The following INSC variants were observed in gnomAD, a reference collection of about 807,000 sequenced individuals.
INSC encodes the protein INSC spindle orientation adaptor protein, also known as protein inscuteable homolog.
Under a neutral mutation model 58.6 loss-of-function variants are expected in INSC, and 67 were observed. The observed-to-expected ratio is 1.14, with a 90% confidence interval of 0.94 to 1.40. INSC has a LOEUF of 1.40. INSC is among the 40% of genes most tolerant of loss of function. The pLI, the probability that INSC is intolerant of heterozygous loss-of-function variation, is 0.00. For synonymous variants in INSC, 262 were observed against 276.1 expected, an observed-to-expected ratio of 0.95 and a Z score of 0.51; for missense variants, 714 against 692.0, an observed-to-expected ratio of 1.03 and a Z score of -0.36.
chr11:15,226,960 A>G (rs1851664109), intron 9 of INSC, among the ~76,000 whole-genome samples: 1 of 152,196 alleles, frequency 6.6e-6, no homozygotes, highest in East Asian at 1.9e-4. Context: ...TATCCTCAGA[A>G]TCGCCTGTGA....
the INSC span, among the ~76,000 whole-genome samples, chr11:15,254,483 G>A: frequency 6.6e-6 from 1 of 152,204 alleles, no homozygotes; most frequent in African/African-American, 2.4e-5. Flanking sequence ...ACTGTAGACT[G>A]TTGTGGACTT....
At chr11:15,203,116 G>A (rs1226127320) in intron 7 of INSC, among the ~76,000 whole-genome samples, 1 of 152,230 alleles carries the variant, frequency 6.6e-6, no homozygotes, top group African/African-American at 2.4e-5. Flanking sequence ...GACAGTTTAA[G>A]TGACTTGCCT....
chr11:15,230,023 T>G (rs1564918014), intron 9 of INSC, among the ~76,000 whole-genome samples: 1 of 55,262 alleles, frequency 1.8e-5, no homozygotes, highest in East Asian at 5.1e-4. Context: ...AATATATATA[T>G]ATATATATAT....
At chr11:15,210,400 G>GTTCTGTGGGCCACAGACATGCCTA (rs1554921668) in intron 7 of INSC, among the ~76,000 whole-genome samples, 255 of 152,136 alleles carry the variant, frequency 1.7e-3, no homozygotes, top group African/African-American at 5.5e-3. Flanking sequence ...AGACATGCCT[G>GTTCTGTGGGCCACAGACATGCCTA]TTCTGTGGGT....
chr11:15,209,628 C>G (rs1850943090), intron 7 of INSC, among the ~76,000 whole-genome samples: 1 of 152,148 alleles, frequency 6.6e-6, no homozygotes, highest in South Asian at 2.1e-4. Context: ...TCACCCACTT[C>G]TTTAGTCCAT....
intron 5 of INSC, among the ~76,000 whole-genome samples, chr11:15,181,729 A>C (rs1225328790): frequency 6.6e-6 from 1 of 152,178 alleles, no homozygotes; most frequent in Non-Finnish European, 1.5e-5. Flanking sequence ...ATAGGAGCAT[A>C]TCAAAATTTT....
intron 7 of INSC, among the ~76,000 whole-genome samples, chr11:15,220,144 A>ATAAT (rs1386486176): frequency 6.6e-6 from 1 of 152,208 alleles, no homozygotes; most frequent in Non-Finnish European, 1.5e-5. Flanking sequence ...CTCAGTGGTG[A>ATAAT]TAATTAGGCA....
chr11:15,192,561 C>T (rs1850218884), intron 6 of INSC, among the ~76,000 whole-genome samples: 1 of 152,138 alleles, frequency 6.6e-6, no homozygotes, highest in South Asian at 2.1e-4. Context: ...TAGTGCAATG[C>T]CTGCACAAAG....
chr11:15,235,553 T>C, intron 9 of INSC, 49 bp from the exon 10 acceptor site: 1 of 1,441,066 alleles, frequency 6.9e-7, no homozygotes, highest in Non-Finnish European at 9.8e-7. Context: ...GGAGGACTAT[T>C]AGGATCAGGT....
chr11:15,145,873 C>T (rs1215502567), intron 1 of INSC, among the ~76,000 whole-genome samples: 3 of 152,204 alleles, frequency 2.0e-5, no homozygotes, highest in Non-Finnish European at 4.4e-5. Context: ...AGAAGGGCCT[C>T]CTGGGGTTGG....
chr11:15,248,973 A>G (rs903575193), downstream of INSC, among the ~76,000 whole-genome samples: 1 of 152,130 alleles, frequency 6.6e-6, no homozygotes, highest in Non-Finnish European at 1.5e-5. Flanking sequence ...GTGTTACCAA[A>G]GTCCACTGAC....
At chr11:15,161,723 C>T (rs749699562) in intron 2 of INSC, among the ~76,000 whole-genome samples, 7 of 152,220 alleles carry the variant, frequency 4.6e-5, no homozygotes, top group South Asian at 2.1e-4. Context: ...AAGAATTGCC[C>T]GCCACTTACG....
chr11:15,213,600 A>G (rs895679955), intron 7 of INSC, among the ~76,000 whole-genome samples: 6 of 152,178 alleles, frequency 3.9e-5, no homozygotes, highest in African/African-American at 1.2e-4. Flanking sequence ...TAACAGGGAA[A>G]TTATTTACTC....
intron 2 of INSC, among the ~76,000 whole-genome samples, chr11:15,151,473 G>C (rs1848648220): frequency 6.6e-6 from 1 of 152,166 alleles, no homozygotes; most frequent in Admixed American, 6.5e-5. Context: ...CTCCCTGGGG[G>C]GTGGTCAAAG....
At chr11:15,257,217 T>A in the INSC span, among the ~76,000 whole-genome samples, 1 of 152,156 alleles carries the variant, frequency 6.6e-6, no homozygotes, top group Non-Finnish European at 1.5e-5. Context: ...GATGCACGTA[T>A]CCATTATTAT....
intron 12 of INSC, among the ~76,000 whole-genome samples, chr11:15,243,852 C>T (rs144387297): frequency 6.6e-6 from 1 of 151,846 alleles, no homozygotes; most frequent in East Asian, 1.9e-4. Context: ...CTCCCCTCCC[C>T]CTAAGGGCTC....
rs185956954 is a variant in INSC at position 15,225,762 on chromosome 11, C to A, written c.1104C>A (p.Ala368=). ...MACEMLLQLN[A]IRVLLEACSD... is the part of the protein sequence containing the mutation. Reference sequence around the variant, plus strand: ...GCGAGATGCTCCTGCAGTTGAATGCCATCCGTGTTCTCCTGGAAGCCTGCA... The same window carrying A: ...GCGAGATGCTCCTGCAGTTGAATGCAATCCGTGTTCTCCTGGAAGCCTGCA... The change falls in exon 9 of 13, where the codon GCC becomes GCA. Residue 368 remains alanine, a synonymous_variant. Transcript: ENST00000379556. 7,690 of 1,613,986 alleles carry A rather than the reference C, an allele frequency of 4.8e-3. 22 individuals carry two copies. Among genetic ancestry groups the A allele is most frequent in the Non-Finnish European group, 5.2e-3 (6,168 of 1,179,942 alleles).
chr11:15,249,440 G>A (rs1456925881), downstream of INSC, among the ~76,000 whole-genome samples: 1 of 152,180 alleles, frequency 6.6e-6, no homozygotes, highest in Non-Finnish European at 1.5e-5. Context: ...TCAGAAAGAA[G>A]AACCAGGAAG....
At chr11:15,142,507 T>A (rs1722400402) in intron 1 of INSC, among the ~76,000 whole-genome samples, 1 of 152,244 alleles carries the variant, frequency 6.6e-6, no homozygotes, top group Admixed American at 6.5e-5. Flanking sequence ...AAACTTCCCA[T>A]GACCCCTTCT....
Sources: gnomAD v4.1 joint callset for allele counts (sites outside exome capture counted in the v4.1 genomes callset) on GRCh38, gnomAD v4.1.1 for gene constraint, MANE v1.5 for transcripts, NCBI Gene and HGNC (gene_info 2026-07-23, HGNC 2026-07-21) for gene names.